Variants in PDGFD observed in about 807,000 individuals in gnomAD.
The protein encoded by PDGFD is platelet derived growth factor D, also known as platelet-derived growth factor D.
A neutral mutation model predicts 44.7 loss-of-function variants in PDGFD; 30 were observed. The observed-to-expected ratio is 0.67, with a 90% CI of 0.50 to 0.91. The LOEUF (loss-of-function observed/expected upper bound fraction) is 0.91. PDGFD is among the 40% of genes least tolerant of loss of function. The pLI is 0.00. For missense variants in PDGFD, 445 were observed against 457.8 expected (o/e 0.97, Z 0.25); for synonymous variants, 173 against 168.4 (o/e 1.03, Z -0.21).
chr11:104,139,427 G>A (rs1209035047), intron 1 of PDGFD, among the ~76,000 whole-genome samples: 1 of 152,104 alleles, frequency 6.6e-6, no homozygotes, highest in African/African-American at 2.4e-5. Context: ...AACTGCCCCA[G>A]TACAAATTAA....
chr11:104,011,175 T>C (rs963397105), intron 1 of PDGFD, among the ~76,000 whole-genome samples: 1 of 151,850 alleles, frequency 6.6e-6, no homozygotes. Context: ...GAGGCAATGA[T>C]CGTAAAATAT....
rs1265267248 is a variant in PDGFD at position 104,138,951 on chromosome 11, G to A, written c.124+24853C>T. Among the ~76,000 whole-genome samples the A allele has an allele frequency of 5.9e-5, 9 of 152,094 alleles. 1 individual carries two copies. Among genetic ancestry groups the A allele is most frequent in the South Asian group, 2.1e-4 (1 of 4,826 alleles). The stretch of plus-strand genomic sequence containing the variant: ...TAATTTTTGTATTTTTAGTAGAGAC[G>A]GGTTTTGGTCATGTTGGCCAAGCTG... On this transcript the variant is annotated intron_variant, in intron 1 of 6. Coordinates refer to ENST00000393158, the MANE Select transcript of PDGFD (RefSeq NM_025208.5).
intron 1 of PDGFD, among the ~76,000 whole-genome samples, chr11:104,079,502 C>T (rs890813726): frequency 4.6e-5 from 7 of 152,156 alleles, no homozygotes; most frequent in Non-Finnish European, 8.8e-5. Context: ...ATTCTCCTGC[C>T]TCAGCCTCCC....
intron 1 of PDGFD, among the ~76,000 whole-genome samples, chr11:104,157,603 T>G (rs936855928): frequency 6.6e-6 from 1 of 152,172 alleles, no homozygotes; most frequent in Non-Finnish European, 1.5e-5. Context: ...TTGTCCAGAA[T>G]CAAGGCAGCA....
chr11:104,055,320 T>C (rs1313062500), intron 1 of PDGFD, among the ~76,000 whole-genome samples: 1 of 152,246 alleles, frequency 6.6e-6, no homozygotes, highest in Non-Finnish European at 1.5e-5. Flanking sequence ...CATTGTTGTA[T>C]GTTTGATACT....
chr11:104,090,585 C>T (rs1355243748), intron 1 of PDGFD, among the ~76,000 whole-genome samples: 1 of 150,230 alleles, frequency 6.7e-6, no homozygotes, highest in Non-Finnish European at 1.5e-5. Flanking sequence ...GCCGACATCA[C>T]ACCACTGCAT....
At chr11:104,042,648 C>T (rs1818106) in intron 1 of PDGFD, among the ~76,000 whole-genome samples, 3 of 151,976 alleles carry the variant, frequency 2.0e-5, no homozygotes, top group Non-Finnish European at 4.4e-5. Flanking sequence ...CTATGCTTCA[C>T]GCAGGGGTAT....
At chr11:104,010,335 A>C (rs1251009564) in intron 1 of PDGFD, among the ~76,000 whole-genome samples, 2 of 152,078 alleles carry the variant, frequency 1.3e-5, no homozygotes, top group East Asian at 3.9e-4. Flanking sequence ...CTTCTTCAAG[A>C]ATCTGAGTCC....
Position 104,130,087 on chromosome 11 carries a change from T to TA in PDGFD, c.124+33716dup, listed in dbSNP as rs1861898285. Among the ~76,000 whole-genome samples, 5 of 149,936 alleles carry TA rather than the reference T, an allele frequency of 3.3e-5. No individual in the cohort carries two copies. The South Asian group carries it at 1.1e-3, about 32-fold the overall frequency. On this transcript the variant is annotated intron_variant, in intron 1 of 6. Coordinates refer to ENST00000393158, the MANE Select transcript of PDGFD (RefSeq NM_025208.5). ...AAGGGGGTTGACAGAGCATGAAAGATAGAGAATAAGAAAGTGGAGAGAAAG... is the reference window on the plus strand; with the variant it reads ...AAGGGGGTTGACAGAGCATGAAAGATAAGAGAATAAGAAAGTGGAGAGAAAG...
rs142168784 is a variant in PDGFD at position 104,161,950 on chromosome 11, A to AGAGAGT, written c.124+1853_124+1854insACTCTC. On this transcript the variant is annotated intron_variant, in intron 1 of 6. Transcript: ENST00000393158. The stretch of plus-strand genomic sequence containing the variant: ...TGAGCAATCAGAACTAATCAAAGAG[A>AGAGAGT]GTGTGTGTGTGTGTGTGTGTGTGTG... Among the ~76,000 whole-genome samples, 9 of 149,016 alleles carry AGAGAGT rather than the reference A, an allele frequency of 6.0e-5. No individual in the cohort carries two copies. In the East Asian group the frequency reaches 1.6e-3, roughly 26 times the overall value.
At chr11:103,952,020 A>G (rs778877015) in intron 3 of PDGFD, among the ~76,000 whole-genome samples, 3 of 152,184 alleles carry the variant, frequency 2.0e-5, no homozygotes, top group Admixed American at 6.5e-5. Context: ...AAGGATAATG[A>G]TCAGCTGCTA....
intron 1 of PDGFD, among the ~76,000 whole-genome samples, chr11:104,146,096 T>C (rs1329131338): frequency 6.6e-6 from 1 of 152,154 alleles, no homozygotes; most frequent in Non-Finnish European, 1.5e-5. Flanking sequence ...AGCAAACTAA[T>C]AAACTCCACA....
chr11:103,927,506 A>G (rs772417425), intron 5 of PDGFD, among the ~76,000 whole-genome samples: 5 of 152,170 alleles, frequency 3.3e-5, no homozygotes, highest in Non-Finnish European at 7.4e-5. Context: ...TTCTAAATAA[A>G]TCCTGACTCT....
chr11:104,138,261 T>C (rs931846716), intron 1 of PDGFD, among the ~76,000 whole-genome samples: 16 of 152,190 alleles, frequency 1.1e-4, no homozygotes, highest in African/African-American at 3.4e-4. Flanking sequence ...AAATTATACA[T>C]TAATTTTTTT....
intron 1 of PDGFD, among the ~76,000 whole-genome samples, chr11:104,053,361 C>T (rs1860571744): frequency 6.6e-6 from 1 of 152,190 alleles, no homozygotes; most frequent in Admixed American, 6.5e-5. Flanking sequence ...TAACCCTTTG[C>T]ATGTGTGTAT....
chr11:104,037,713 AATT>A (rs1295451510), intron 1 of PDGFD: 1 of 1,614,016 alleles, frequency 6.2e-7, no homozygotes, highest in Non-Finnish European at 8.5e-7. Context: ...GCACACAGAG[AATT>A]ATTGGCCGTG....
At position 103,947,694 on chromosome 11, in the gene PDGFD, T is replaced by C; in HGVS notation, c.541A>G (p.Thr181Ala). ...EDFQPAAASE[T>A]NWESVTSSIS... ...GAGCTTGTGACAGATTCCCAGTTGG[T>C]CTCTGAAGCTGCTGCGGGTTGGAAA... The change falls in exon 4 of 7, where the codon ACC becomes GCC. Residue 181 changes from threonine to alanine, a missense_variant. Thr to Ala is a moderately conservative substitution (Grantham distance 58, BLOSUM62 0). Coordinates refer to ENST00000393158, the MANE Select transcript of PDGFD (RefSeq NM_025208.5). 1 of 1,613,656 alleles carries C rather than the reference T, an allele frequency of 6.2e-7. No homozygotes were observed. Among genetic ancestry groups the C allele is most frequent in the Middle Eastern group, 1.7e-4 (1 of 6,058 alleles).
intron 6 of PDGFD, among the ~76,000 whole-genome samples, chr11:103,925,603 GC>G (rs1316759852): frequency 6.7e-6 from 1 of 149,122 alleles, no homozygotes; most frequent in African/African-American, 2.5e-5. Context: ...AATTAGAGCT[GC>G]TGCCTATGTC....
At chr11:103,959,484 CA>C (rs1336750001) in intron 3 of PDGFD, among the ~76,000 whole-genome samples, 1 of 152,116 alleles carries the variant, frequency 6.6e-6, no homozygotes, top group Non-Finnish European at 1.5e-5. Context: ...ACTCTTCTCA[CA>C]AAAGGGGAGA....
Sources: gnomAD v4.1 joint callset for allele counts (sites outside exome capture counted in the v4.1 genomes callset) on GRCh38, gnomAD v4.1.1 for gene constraint, MANE v1.5 for transcripts, NCBI Gene and HGNC (gene_info 2026-07-23, HGNC 2026-07-21) for gene names.